The following GTF2E2 variants were observed in gnomAD, a reference collection of about 807,000 sequenced individuals.
GTF2E2 encodes the protein transcription initiation factor IIE subunit beta.
In GTF2E2, 21 loss-of-function variants were observed where a neutral mutation model predicts 40.5. That is an observed-to-expected ratio of 0.52 (90% CI 0.37 to 0.75). The LOEUF (loss-of-function observed/expected upper bound fraction) is 0.75, where lower values mean the gene tolerates loss of function less well. GTF2E2 is among the 30% of genes least tolerant of loss of function. The probability of loss-of-function intolerance (pLI) is 0.00; values close to 1 mark genes in which losing one functional copy is unlikely to be tolerated. For missense variants in GTF2E2, 298 were observed against 338.4 expected, an observed-to-expected ratio of 0.88 and a Z score of 0.94; for synonymous variants, 117 against 121.6, an observed-to-expected ratio of 0.96 and a Z score of 0.25.
chr8:30,589,208 A>T (rs563220842), intron 6 of GTF2E2, among the ~76,000 whole-genome samples: 13 of 152,288 alleles, frequency 8.5e-5, no homozygotes, highest in African/African-American at 3.1e-4. Context: ...AGTAACCAAG[A>T]TCGCACTACT....
chr8:30,646,849 G>A (rs549149035), intron 2 of GTF2E2, among the ~76,000 whole-genome samples: 1 of 151,786 alleles, frequency 6.6e-6, no homozygotes, highest in Non-Finnish European at 1.5e-5. Context: ...GCATGGTGGT[G>A]GGCACCTATA....
At chr8:30,584,796 T>C (rs953592786) in intron 6 of GTF2E2, 3 of 152,210 alleles carry the variant, frequency 2.0e-5, no homozygotes, top group Admixed American at 2.0e-4. Context: ...CAGAGCCAGA[T>C]GGCCTGGCTG....
At chr8:30,586,583 A>C (rs1828692254) in intron 6 of GTF2E2, among the ~76,000 whole-genome samples, 2 of 152,260 alleles carry the variant, frequency 1.3e-5, no homozygotes, top group Non-Finnish European at 2.9e-5. Context: ...TGAATAGCCA[A>C]GGCAATCTTG....
chr8:30,646,392 C>T (rs1802075842), intron 2 of GTF2E2, among the ~76,000 whole-genome samples: 1 of 151,842 alleles, frequency 6.6e-6, no homozygotes, highest in Admixed American at 6.6e-5. Flanking sequence ...TAGGGCCACT[C>T]AACACCTGTT....
At chr8:30,615,453 C>A (rs778108301) in intron 3 of GTF2E2, among the ~76,000 whole-genome samples, 1 of 152,116 alleles carries the variant, frequency 6.6e-6, no homozygotes, top group Non-Finnish European at 1.5e-5. Flanking sequence ...GTCACTGTAG[C>A]ATTGTTCATA....
intron 6 of GTF2E2, 143 bp from the exon 7 acceptor site, chr8:30,580,539 C>A: frequency 1.6e-6 from 1 of 621,666 alleles, no homozygotes. Context: ...CAGGGCAGAA[C>A]ATCCACATGT....
At chr8:30,598,542 A>G (rs1264849530) in intron 6 of GTF2E2, among the ~76,000 whole-genome samples, 1 of 152,242 alleles carries the variant, frequency 6.6e-6, no homozygotes, top group Non-Finnish European at 1.5e-5. Flanking sequence ...ATTTTTTTCA[A>G]TAAAACATTT....
chr8:30,620,436 T>C (rs1801060217), intron 3 of GTF2E2, among the ~76,000 whole-genome samples: 1 of 152,080 alleles, frequency 6.6e-6, no homozygotes, highest in Non-Finnish European at 1.5e-5. Flanking sequence ...GACACAGCAC[T>C]CATTCAATCA....
At chr8:30,619,950 G>T (rs1801039174) in intron 3 of GTF2E2, among the ~76,000 whole-genome samples, 1 of 152,002 alleles carries the variant, frequency 6.6e-6, no homozygotes, top group East Asian at 1.9e-4. Context: ...GGGAAAGAGG[G>T]AGGCAGGAGA....
intron 6 of GTF2E2, among the ~76,000 whole-genome samples, chr8:30,583,747 ATATT>A (rs1471141136): frequency 5.9e-5 from 9 of 152,186 alleles, no homozygotes; most frequent in Non-Finnish European, 1.3e-4. Flanking sequence ...TTATATCTAC[ATATT>A]TATTACACAG....
chr8:30,613,764 T>C (rs917009203), intron 4 of GTF2E2, among the ~76,000 whole-genome samples: 2 of 152,258 alleles, frequency 1.3e-5, no homozygotes, highest in African/African-American at 4.8e-5. Flanking sequence ...ATTTGGTTTC[T>C]AGAATCTATC....
intron 6 of GTF2E2, among the ~76,000 whole-genome samples, chr8:30,606,559 C>T (rs911713171): frequency 4.6e-5 from 7 of 152,126 alleles, no homozygotes; most frequent in Non-Finnish European, 7.4e-5. Context: ...TCCAAACATA[C>T]GTATCATATA....
intron 2 of GTF2E2, 102 bp from the exon 3 acceptor site, chr8:30,635,225 C>A: frequency 3.0e-6 from 2 of 659,628 alleles, no homozygotes; most frequent in Non-Finnish European, 2.6e-6. Context: ...TTGAGTTTTT[C>A]ATCTAGTATA....
At chr8:30,606,289 A>G (rs761787137) in intron 6 of GTF2E2, among the ~76,000 whole-genome samples, 3 of 152,222 alleles carry the variant, frequency 2.0e-5, no homozygotes, top group Non-Finnish European at 4.4e-5. Context: ...CTAAAGCCCT[A>G]TCTACCAGAA....
intron 6 of GTF2E2, among the ~76,000 whole-genome samples, chr8:30,588,331 C>T (rs775727422): frequency 2.0e-5 from 3 of 152,106 alleles, no homozygotes; most frequent in Non-Finnish European, 4.4e-5. Context: ...AAGTGTCTAT[C>T]AACAGATGAA....
chr8:30,593,660 CTGAG>C (rs1236737899), intron 6 of GTF2E2, among the ~76,000 whole-genome samples: 1 of 152,114 alleles, frequency 6.6e-6, no homozygotes, highest in Non-Finnish European at 1.5e-5. Flanking sequence ...CCACACCAGG[CTGAG>C]TTTTTATTTT....
At chr8:30,596,398 A>G (rs1829006718) in intron 6 of GTF2E2, among the ~76,000 whole-genome samples, 1 of 152,186 alleles carries the variant, frequency 6.6e-6, no homozygotes, top group Non-Finnish European at 1.5e-5. Flanking sequence ...GAGCTTGTTG[A>G]AGACATTTTT....
intron 5 of GTF2E2, among the ~76,000 whole-genome samples, chr8:30,610,899 A>G (rs948713981): frequency 6.6e-5 from 10 of 152,232 alleles, no homozygotes; most frequent in Non-Finnish European, 1.5e-4. Context: ...ACAGAATGGG[A>G]GAAAATATTT....
rs542868655 is a variant in GTF2E2 at position 30,641,167 on chromosome 8, C to T, written c.167-6044G>A. Among the ~76,000 whole-genome samples the T allele has an allele frequency of 2.0e-5, 3 of 152,158 alleles. No individual in the cohort carries two copies. The East Asian group carries it at 5.8e-4, about 29-fold the overall frequency. On this transcript the variant is annotated intron_variant, in intron 2 of 7. Coordinates refer to ENST00000355904, the MANE Select transcript of GTF2E2 (RefSeq NM_002095.6). ...AGAGAGTTTACTTTTTTCAGATATGCCCAGAAGCTAACAAACAATGAATGT... is the reference window on the plus strand; with the variant it reads ...AGAGAGTTTACTTTTTTCAGATATGTCCAGAAGCTAACAAACAATGAATGT...
Sources: gnomAD v4.1 joint callset for allele counts (sites outside exome capture counted in the v4.1 genomes callset) on GRCh38, gnomAD v4.1.1 for gene constraint, MANE v1.5 for transcripts, NCBI Gene and HGNC (gene_info 2026-07-23, HGNC 2026-07-21) for gene names.